The following ADGRL1 variants were observed in gnomAD, a reference collection of about 807,000 sequenced individuals.
ADGRL1 encodes adhesion G protein-coupled receptor L1.
In ADGRL1, 31 loss-of-function variants were observed where a neutral mutation model predicts 148.9. That is an observed-to-expected ratio of 0.21 (90% CI 0.16 to 0.28). The LOEUF is 0.28. Ranked by LOEUF, ADGRL1 falls within the 10% of genes least tolerant of loss-of-function variation. The pLI is 1.00. For missense variants in ADGRL1, 1,521 were observed against 2,058.8 expected (o/e 0.74, Z 5.05); for synonymous variants, 937 against 900.3 (o/e 1.04, Z -0.73).
At chr19:14,175,611 C>T (rs980467174) in intron 3 of ADGRL1, among the ~76,000 whole-genome samples, 2 of 152,120 alleles carry the variant, frequency 1.3e-5, no homozygotes, top group South Asian at 4.1e-4. Flanking sequence ...CATACAGACA[C>T]ACTCAGACAC....
At position 14,161,236 on chromosome 19, in the gene ADGRL1, A is replaced by AC. The variant is rs1194351997; in HGVS notation, c.1510+75dup. 2.6e-5 allele frequency: 36 copies of AC among 1,361,950 alleles called. No individual in the cohort carries two copies. Among genetic ancestry groups the AC allele is most frequent in the Non-Finnish European group, 3.3e-5 (34 of 1,028,524 alleles). The allele number at this position is 1,361,950 out of a possible 1,614,324, so 84.4% of individuals were successfully genotyped here. On this transcript the variant is annotated intron_variant, in intron 6 of 22. Transcript: ENST00000361434. The surrounding 1 kb of genome is among the most constrained non-coding windows in gnomAD (Gnocchi z 4.4). ...CCTCTGCTCCGCAGTAGAGACCCCC[A>AC]CCCACACATGCATCTGTGCTAAGCT...
At chr19:14,183,430 T>C (rs1971358647) in intron 2 of ADGRL1, 103 bp downstream of exon 2, 1 of 1,094,730 alleles carries the variant, frequency 9.1e-7, no homozygotes, top group Non-Finnish European at 1.3e-6. Flanking sequence ...GGCAGGGGGC[T>C]GTAATTCTTT....
At chr19:14,173,943 CAAAAAA>C (rs774211423) in intron 3 of ADGRL1, among the ~76,000 whole-genome samples, 388 of 32,968 alleles carry the variant, frequency 0.012, 2 homozygotes, top group African/African-American at 0.042. Context: ...GACTCCGTCT[CAAAAAA>C]AAAAAAAAAA....
chr19:14,188,023 A>G (rs1437892152), intron 1 of ADGRL1, among the ~76,000 whole-genome samples: 1 of 152,066 alleles, frequency 6.6e-6, no homozygotes, highest in African/African-American at 2.4e-5. Flanking sequence ...TGAGCCCAGG[A>G]GTTTGCAAGG....
chr19:14,166,356 G>A (rs1969961596), intron 4 of ADGRL1, among the ~76,000 whole-genome samples: 1 of 152,058 alleles, frequency 6.6e-6, no homozygotes, highest in Non-Finnish European at 1.5e-5. Context: ...CAGGTTGGGG[G>A]TGGGGAGGAC....
chr19:14,183,217 G>GAGAGAGA (rs1971335341), intron 2 of ADGRL1, among the ~76,000 whole-genome samples: 4 of 150,772 alleles, frequency 2.7e-5, no homozygotes, highest in Non-Finnish European at 4.4e-5. Flanking sequence ...GAGAGAGAGA[G>GAGAGAGA]CGAGAGAGAG....
At chr19:14,164,086 C>A (rs1039046349) in intron 4 of ADGRL1, among the ~76,000 whole-genome samples, 2 of 152,020 alleles carry the variant, frequency 1.3e-5, no homozygotes, top group Non-Finnish European at 2.9e-5. Context: ...CCTGATGCAG[C>A]CTGCTCCCCA....
At chr19:14,198,689 A>G (rs747615587) in intron 1 of ADGRL1, among the ~76,000 whole-genome samples, 1 of 151,854 alleles carries the variant, frequency 6.6e-6, no homozygotes, top group Non-Finnish European at 1.5e-5. Context: ...TGCAGTTGTG[A>G]AACATTTCTC....
chr19:14,177,321 G>T (rs1341645633), intron 3 of ADGRL1, among the ~76,000 whole-genome samples: 2 of 152,132 alleles, frequency 1.3e-5, no homozygotes, highest in African/African-American at 4.8e-5. Context: ...TGTATGTATG[G>T]GTATAGGCCT....
chr19:14,150,962 G>A lies in ADGRL1; in HGVS notation c.4321C>T (p.Pro1441Ser), dbSNP rs764531909. The change falls in exon 23 of 23, where the codon CCT becomes TCT. Residue 1441 changes from proline (P) to serine (S), a missense_variant. Around this residue, in one of 8 missense-constraint regions of ADGRL1, gnomAD observed 390 missense variants for 375.0 expected, o/e 1.04. Transcript: ENST00000361434. ...GCTGCCAGGTAGCCCTCGTGGCTAG[G>A]ACGCCGCACCTGGTAGTAGCCCTGC... ...PLQGYYQVRRPSHEGYLAAPG... is the reference protein window; with the variant it reads ...PLQGYYQVRRSSHEGYLAAPG... 5.6e-6 allele frequency: 9 copies of A among 1,605,680 alleles called. No individual in the cohort carries two copies. The highest frequency in any genetic ancestry group is 1.7e-5 in the Admixed American group (1 of 58,958).
Position 14,151,332 on chromosome 19 carries a change from C to A in ADGRL1, c.3951G>T (p.Ala1317=), listed in dbSNP as rs182445632. The change falls in exon 23 of 23, where the codon GCG becomes GCT. Residue 1317 remains alanine (A), a synonymous_variant. Transcript: ENST00000361434. ...CCCGGTCAGCACCCCCGGGCCCGCC[C>A]GCCTCTTCCTCGCCCCCGCCCCCTG... ...PVPGGGGEEE[A]GGPGGADRAE... 37 of 1,600,008 alleles carry A rather than the reference C, an allele frequency of 2.3e-5. No homozygotes were observed. The highest frequency in any genetic ancestry group is 3.2e-5 in the Non-Finnish European group (37 of 1,174,308).
intron 1 of ADGRL1, among the ~76,000 whole-genome samples, chr19:14,184,871 C>A (rs916548308): frequency 3.3e-5 from 5 of 152,018 alleles, no homozygotes; most frequent in Admixed American, 2.6e-4. Flanking sequence ...TATCTCCTGA[C>A]CTCGTGATCC....
At position 14,154,105 on chromosome 19, in the gene ADGRL1, T is replaced by C. The variant is rs1048644314; in HGVS notation, c.3295-1193A>G. ...GAGCCGAGGGGCCCAGATCAGACCA[T>C]AGGGGCCTGGGGTCCCCTGAAAGGA... On this transcript the variant is annotated intron_variant, in intron 18 of 22. Transcript: ENST00000361434. Among the ~76,000 whole-genome samples, 7 of 152,034 alleles carry C rather than the reference T, an allele frequency of 4.6e-5. No homozygotes were observed. In the South Asian group the frequency reaches 1.5e-3, roughly 32 times the overall value.
At chr19:14,197,503 C>T (rs1315764131) in intron 1 of ADGRL1, among the ~76,000 whole-genome samples, 1 of 152,162 alleles carries the variant, frequency 6.6e-6, no homozygotes, top group Admixed American at 6.5e-5. Flanking sequence ...CTCCCTATTG[C>T]CTGTGATGCT....
intron 3 of ADGRL1, among the ~76,000 whole-genome samples, chr19:14,176,156 C>G (rs916477390): frequency 2.6e-5 from 4 of 151,720 alleles, no homozygotes; most frequent in African/African-American, 9.7e-5. Context: ...CGAGACCATC[C>G]TGGCCAAGAT....
rs1969137557 is a variant in ADGRL1 at position 14,159,671 on chromosome 19, C to T, written c.1839+64G>A. 12 of 1,602,998 alleles carry T rather than the reference C, an allele frequency of 7.5e-6. No homozygotes were observed. The East Asian group carries it at 2.5e-4, about 33-fold the overall frequency. Reference sequence around the variant, plus strand: ...GCTCTGCATGCCCTCTTCTCAACCTCCACCCCTAATCCCCCCATCAGCTGG... The same window carrying T: ...GCTCTGCATGCCCTCTTCTCAACCTTCACCCCTAATCCCCCCATCAGCTGG... On this transcript the variant is annotated intron_variant, in intron 9 of 22. Transcript: ENST00000361434. This position sits in a 1 kb window ranked among gnomAD's most constrained non-coding sequence, Gnocchi z 6.0.
At chr19:14,164,278 T>TG (rs976943639) in intron 4 of ADGRL1, among the ~76,000 whole-genome samples, 6 of 140,114 alleles carry the variant, frequency 4.3e-5, no homozygotes, top group African/African-American at 1.3e-4. Flanking sequence ...TGCACAGGGG[T>TG]GGGGGTGGGG....
chr19:14,198,913 A>G (rs376378169), intron 1 of ADGRL1, among the ~76,000 whole-genome samples: 180 of 152,250 alleles, frequency 1.2e-3, no homozygotes, highest in African/African-American at 4.1e-3. Flanking sequence ...TTTCCACTCC[A>G]AAGTGTTCAC....
chr19:14,197,837 T>G (rs1007165220), intron 1 of ADGRL1, among the ~76,000 whole-genome samples: 1 of 152,208 alleles, frequency 6.6e-6, no homozygotes, highest in African/African-American at 2.4e-5. Context: ...TTCATTTGTT[T>G]AATGAATGAA....
Sources: gnomAD v4.1 joint callset for allele counts (sites outside exome capture counted in the v4.1 genomes callset) on GRCh38, gnomAD v4.1.1 for gene constraint, gnomAD v4.1.1 regional missense constraint, Gnocchi (gnomAD v3.1) non-coding constraint, MANE v1.5 for transcripts, NCBI Gene and HGNC (gene_info 2026-07-23, HGNC 2026-07-21) for gene names.